The following ELL variants were observed in gnomAD, a reference collection of about 807,000 sequenced individuals.
ELL encodes elongation factor for RNA polymerase II, also known as RNA polymerase II elongation factor ELL.
ELL carries 18 observed loss-of-function variants against 64.0 expected under a neutral mutation model. The observed-to-expected ratio is 0.28, with a 90% CI of 0.19 to 0.42. The LOEUF is 0.42. Ranked by LOEUF, ELL falls within the 10% of genes least tolerant of loss-of-function variation. The pLI is 1.00. For missense variants in ELL, 797 were observed against 870.4 expected, an observed-to-expected ratio of 0.92 and a Z score of 1.06; for synonymous variants, 399 against 376.2, an observed-to-expected ratio of 1.06 and a Z score of -0.70.
chr19:18,518,019 G>A (rs188230962), intron 1 of ELL, among the ~76,000 whole-genome samples: 478 of 151,600 alleles, frequency 3.2e-3, no homozygotes, highest in African/African-American at 9.5e-3. Flanking sequence ...TCAGGAGTTC[G>A]AGACCAGCCT....
intron 4 of ELL, among the ~76,000 whole-genome samples, chr19:18,462,206 GTGTGTGTGTGTGTGTA>G (rs1443314630): frequency 6.8e-4 from 85 of 125,182 alleles, no homozygotes; most frequent in African/African-American, 2.6e-3. Flanking sequence ...GTGTGTGTGT[GTGTGTGTGTGTGTGTA>G]TGTAATCACC....
At chr19:18,492,464 G>A (rs1047383637) in intron 1 of ELL, among the ~76,000 whole-genome samples, 2 of 152,220 alleles carry the variant, frequency 1.3e-5, no homozygotes, top group African/African-American at 4.8e-5. Flanking sequence ...AGCACTATCT[G>A]TGCCTCTGAC....
chr19:18,478,972 G>A (rs570437662), intron 1 of ELL, among the ~76,000 whole-genome samples: 1 of 152,332 alleles, frequency 6.6e-6, no homozygotes, highest in African/African-American at 2.4e-5. Context: ...ACAGAGGAAA[G>A]GGTGAGGAGG....
At chr19:18,498,858 G>A (rs1361291683) in intron 1 of ELL, among the ~76,000 whole-genome samples, 1 of 152,214 alleles carries the variant, frequency 6.6e-6, no homozygotes, top group Non-Finnish European at 1.5e-5. Context: ...GCTGAGGCAG[G>A]AGAATCGCTT....
chr19:18,496,403 G>A (rs1210518355), intron 1 of ELL, among the ~76,000 whole-genome samples: 1 of 152,236 alleles, frequency 6.6e-6, no homozygotes, highest in African/African-American at 2.4e-5. Flanking sequence ...TGACTCAGGA[G>A]ACAGAGACCT....
intron 1 of ELL, among the ~76,000 whole-genome samples, chr19:18,521,372 T>C (rs913567375): frequency 6.6e-6 from 1 of 152,050 alleles, no homozygotes; most frequent in Non-Finnish European, 1.5e-5. Flanking sequence ...AGCCCCCAGC[T>C]GCAAAGCCTT....
chr19:18,491,034 T>C (rs1250931096), intron 1 of ELL, among the ~76,000 whole-genome samples: 4 of 152,170 alleles, frequency 2.6e-5, no homozygotes, highest in Non-Finnish European at 5.9e-5. Flanking sequence ...AGTCTAGATG[T>C]TGCCATGAAG....
chr19:18,496,422 T>C (rs1010823146), intron 1 of ELL, among the ~76,000 whole-genome samples: 2 of 152,188 alleles, frequency 1.3e-5, no homozygotes, highest in Non-Finnish European at 2.9e-5. Flanking sequence ...CTGACCAGAC[T>C]CAGCCTCACA....
intron 1 of ELL, among the ~76,000 whole-genome samples, chr19:18,497,820 A>AC (rs1975692859): frequency 6.7e-6 from 1 of 149,718 alleles, no homozygotes. Flanking sequence ...CATCTCAAAA[A>AC]AAAAAAAAAA....
chr19:18,474,519 G>A (rs75681761), intron 1 of ELL, among the ~76,000 whole-genome samples: 16,752 of 152,178 alleles, frequency 0.11, 1,060 homozygotes, highest in South Asian at 0.2. Flanking sequence ...TCTCAAACAC[G>A]CCACCCCTCA....
chr19:18,472,675 G>T, intron 2 of ELL, 160 bp downstream of exon 2: 3 of 858,776 alleles, frequency 3.5e-6, no homozygotes, highest in Non-Finnish European at 5.4e-6. Flanking sequence ...TGTGGCCCCA[G>T]CCAAGGGGCT....
At chr19:18,492,485 T>C (rs1288692730) in intron 1 of ELL, among the ~76,000 whole-genome samples, 1 of 152,242 alleles carries the variant, frequency 6.6e-6, no homozygotes, top group Non-Finnish European at 1.5e-5. Context: ...GTGCTGTTAG[T>C]GCATCCAACG....
At chr19:18,513,350 C>A (rs1024241761) in intron 1 of ELL, among the ~76,000 whole-genome samples, 1 of 152,176 alleles carries the variant, frequency 6.6e-6, no homozygotes, top group African/African-American at 2.4e-5. Flanking sequence ...GCCAAGAACA[C>A]AAAAATGCCC....
At chr19:18,512,721 C>G (rs1976052018) in intron 1 of ELL, among the ~76,000 whole-genome samples, 1 of 152,200 alleles carries the variant, frequency 6.6e-6, no homozygotes, top group Admixed American at 6.5e-5. Context: ...AGGAGAGCAG[C>G]TGACACCTCG....
At chr19:18,493,168 C>T (rs142459891) in intron 1 of ELL, among the ~76,000 whole-genome samples, 15 of 152,176 alleles carry the variant, frequency 9.9e-5, no homozygotes, top group Non-Finnish European at 1.9e-4. Context: ...TGGAGACAAG[C>T]CACTTCTACA....
At chr19:18,518,351 C>T (rs1976174640) in intron 1 of ELL, among the ~76,000 whole-genome samples, 1 of 150,976 alleles carries the variant, frequency 6.6e-6, no homozygotes, top group South Asian at 2.1e-4. Context: ...AAATTTAAAA[C>T]TTAGCCAGGT....
At position 18,461,890 on chromosome 19, in the gene ELL, C is replaced by A. The variant is rs764465822; in HGVS notation, c.470-38G>T. 1.9e-6 allele frequency: 3 copies of A among 1,587,164 alleles called. No individual in the cohort carries two copies. The African/African-American group carries it at 4.0e-5, about 21-fold the overall frequency. ...TCCAAGCTTTAGGGAACAGAGAGGG[C>A]GCTGCCGTGTCCTAAGCCAGTGCTG... is the stretch of plus-strand genomic sequence containing the variant. On this transcript the variant is annotated intron_variant, in intron 4 of 11. Coordinates refer to ENST00000262809, the MANE Select transcript of ELL (RefSeq NM_006532.4).
chr19:18,489,527 A>C (rs1232762845), intron 1 of ELL, among the ~76,000 whole-genome samples: 1 of 152,078 alleles, frequency 6.6e-6, no homozygotes, highest in Non-Finnish European at 1.5e-5. Context: ...CAGCTCTGGC[A>C]CCTTCTCTAG....
At chr19:18,512,412 C>A (rs1283405473) in intron 1 of ELL, among the ~76,000 whole-genome samples, 1 of 152,152 alleles carries the variant, frequency 6.6e-6, no homozygotes, top group African/African-American at 2.4e-5. Context: ...CCAAGGCGGG[C>A]AGGTCGCTTC....
Sources: allele counts gnomAD v4.1 joint callset (sites outside exome capture counted in the v4.1 genomes callset), GRCh38; gene constraint gnomAD v4.1.1; transcripts MANE v1.5; gene names NCBI Gene and HGNC (gene_info 2026-07-23, HGNC 2026-07-21).